The following CHCHD6 variants were observed in gnomAD, a reference collection of about 807,000 sequenced individuals.
CHCHD6 encodes MICOS complex subunit MIC25.
A neutral mutation model predicts 32.3 loss-of-function variants in CHCHD6; 28 were observed. The observed-to-expected ratio is 0.87, with a 90% CI of 0.64 to 1.19. The LOEUF (loss-of-function observed/expected upper bound fraction) is 1.19, where lower values mean the gene tolerates loss of function less well. Among genes scored for constraint, CHCHD6 ranks in the 50% most tolerant of loss-of-function variants. The pLI is 0.00. For missense variants in CHCHD6, 333 were observed against 307.0 expected, an observed-to-expected ratio of 1.08 and a Z score of -0.63; for synonymous variants, 122 against 117.5, an observed-to-expected ratio of 1.04 and a Z score of -0.25.
chr3:126,772,915 C>T (rs1937569524), intron 4 of CHCHD6, among the ~76,000 whole-genome samples: 1 of 152,178 alleles, frequency 6.6e-6, no homozygotes, highest in Non-Finnish European at 1.5e-5. Context: ...TCTGGTAAGG[C>T]AGTTCTAGTG....
At chr3:126,944,267 G>A (rs1432420136) in intron 6 of CHCHD6, among the ~76,000 whole-genome samples, 2 of 152,238 alleles carry the variant, frequency 1.3e-5, no homozygotes, top group African/African-American at 4.8e-5. Flanking sequence ...AGCCCACCGG[G>A]TTACAAAGGC....
At chr3:126,914,246 A>G (rs916970540) in intron 5 of CHCHD6, among the ~76,000 whole-genome samples, 3 of 152,170 alleles carry the variant, frequency 2.0e-5, no homozygotes, top group Admixed American at 6.5e-5. Flanking sequence ...ATCAAGACTG[A>G]GAAATTTTTT....
chr3:126,880,742 TAGAAG>T (rs1166265413), intron 5 of CHCHD6, among the ~76,000 whole-genome samples: 1 of 152,196 alleles, frequency 6.6e-6, no homozygotes, highest in East Asian at 1.9e-4. Context: ...TATATAGCAT[TAGAAG>T]AGAGTTACAG....
chr3:126,710,375 G>C (rs906996693), intron 1 of CHCHD6, among the ~76,000 whole-genome samples: 3 of 152,090 alleles, frequency 2.0e-5, no homozygotes, highest in African/African-American at 7.2e-5. Context: ...GACGTGTAAG[G>C]CCTCTAACTT....
chr3:126,790,158 C>T (rs1938451964), intron 4 of CHCHD6, among the ~76,000 whole-genome samples: 1 of 152,126 alleles, frequency 6.6e-6, no homozygotes, highest in South Asian at 2.1e-4. Flanking sequence ...GGCCCCCACT[C>T]TCTTCTGGCT....
At chr3:126,762,636 C>A (rs1576384692) in intron 4 of CHCHD6, among the ~76,000 whole-genome samples, 1 of 152,118 alleles carries the variant, frequency 6.6e-6, no homozygotes, top group East Asian at 1.9e-4. Flanking sequence ...TCTTATTAAT[C>A]TGTCAAATTG....
At chr3:126,888,430 G>T (rs1188135125) in intron 5 of CHCHD6, among the ~76,000 whole-genome samples, 1 of 152,168 alleles carries the variant, frequency 6.6e-6, no homozygotes, top group East Asian at 1.9e-4. Context: ...CTCTTCTGTT[G>T]CACTTAATTG....
At chr3:126,845,444 T>A (rs1448826353) in intron 4 of CHCHD6, among the ~76,000 whole-genome samples, 1 of 152,232 alleles carries the variant, frequency 6.6e-6, no homozygotes, top group Non-Finnish European at 1.5e-5. Flanking sequence ...TATAAAAGCT[T>A]CCTGCTTGGA....
intron 4 of CHCHD6, among the ~76,000 whole-genome samples, chr3:126,748,898 A>G (rs1209905915): frequency 6.6e-6 from 1 of 152,216 alleles, no homozygotes; most frequent in Non-Finnish European, 1.5e-5. Context: ...ACAGATGTCA[A>G]ACAAGTAACT....
intron 4 of CHCHD6, among the ~76,000 whole-genome samples, chr3:126,829,632 G>C (rs1290092641): frequency 6.6e-6 from 1 of 151,852 alleles, no homozygotes; most frequent in East Asian, 1.9e-4. Context: ...GGTAGGATTA[G>C]TATCTTTATA....
intron 4 of CHCHD6, among the ~76,000 whole-genome samples, chr3:126,819,150 G>A (rs1376040024): frequency 2.0e-5 from 3 of 152,276 alleles, no homozygotes; most frequent in Non-Finnish European, 2.9e-5. Context: ...ATGGAAAGGC[G>A]GGGTTGTAAG....
At chr3:126,938,649 T>G (rs2078516830) in intron 6 of CHCHD6, among the ~76,000 whole-genome samples, 1 of 152,224 alleles carries the variant, frequency 6.6e-6, no homozygotes, top group Non-Finnish European at 1.5e-5. Context: ...TCCCAGTAAC[T>G]ATAAGATGTT....
rs557342072 is a variant in CHCHD6, at chr3:126,806,419, T to C, written c.412-46228T>C. On this transcript the variant is annotated intron_variant, in intron 4 of 7. Transcript: ENST00000290913. ...AACAGACACTTCTCAAAAGAAGACA[T>C]TTATGCAGCCAAAAGACACATGAAA... Among the ~76,000 whole-genome samples, 947 of 151,932 alleles carry C rather than the reference T, an allele frequency of 6.2e-3. 29 individuals carry two copies. Among genetic ancestry groups the C allele is most frequent in the Admixed American group, 0.049 (749 of 15,266 alleles).
At chr3:126,725,296 A>G (rs1335279606) in intron 1 of CHCHD6, among the ~76,000 whole-genome samples, 1 of 152,202 alleles carries the variant, frequency 6.6e-6, no homozygotes, top group Non-Finnish European at 1.5e-5. Flanking sequence ...GTACATCTCC[A>G]TCAGAGCTTT....
intron 4 of CHCHD6, among the ~76,000 whole-genome samples, chr3:126,809,207 C>G (rs1939549871): frequency 1.3e-5 from 2 of 152,154 alleles, no homozygotes; most frequent in South Asian, 4.1e-4. Flanking sequence ...CTCCTGGCAT[C>G]AAGTGATCCG....
chr3:126,945,009 G>A (rs900564128), intron 6 of CHCHD6, among the ~76,000 whole-genome samples: 13 of 152,182 alleles, frequency 8.5e-5, no homozygotes, highest in Non-Finnish European at 1.9e-4. Flanking sequence ...CCATGGGATG[G>A]GCACTTAGTA....
At chr3:126,827,479 C>G (rs1184739855) in intron 4 of CHCHD6, among the ~76,000 whole-genome samples, 7 of 152,196 alleles carry the variant, frequency 4.6e-5, no homozygotes. Flanking sequence ...GAGGGCCCAT[C>G]TGACTGCCCA....
intron 4 of CHCHD6, among the ~76,000 whole-genome samples, chr3:126,804,893 A>G (rs1939283971): frequency 6.6e-6 from 1 of 152,166 alleles, no homozygotes; most frequent in Non-Finnish European, 1.5e-5. Flanking sequence ...AGGCTGGTTC[A>G]ATATACGCAA....
intron 5 of CHCHD6, among the ~76,000 whole-genome samples, chr3:126,893,216 C>T (rs1576565833): frequency 6.6e-6 from 1 of 152,236 alleles, no homozygotes; most frequent in African/African-American, 2.4e-5. Context: ...TCTCGGCTGG[C>T]CTCCCAAAGT....
Sources: allele counts gnomAD v4.1 joint callset (sites outside exome capture counted in the v4.1 genomes callset), GRCh38; gene constraint gnomAD v4.1.1; transcripts MANE v1.5; gene names NCBI Gene and HGNC (gene_info 2026-07-23, HGNC 2026-07-21).